FABP7: variants seen among roughly 807,000 people sequenced by gnomAD.
FABP7 encodes the protein fatty acid-binding protein, brain.
A neutral mutation model predicts 14.2 loss-of-function variants in FABP7; 13 were observed. The observed-to-expected ratio is 0.91, with a 90% CI of 0.59 to 1.45. The LOEUF (loss-of-function observed/expected upper bound fraction) is 1.45. Ranked by LOEUF, FABP7 falls within the 40% of genes most tolerant of loss-of-function variation. The pLI is 0.00. For synonymous variants in FABP7, 49 were observed against 51.4 expected (o/e 0.95, Z 0.20); for missense variants, 149 against 157.6 (o/e 0.95, Z 0.29).
rs557965338 is a variant in FABP7, at chr6:122,780,431, G to C, written c.214G>C (p.Asp72His). The change falls in exon 2 of 4, where the codon GAT (aspartate) becomes CAT (histidine). Residue 72 changes from aspartate (D) to histidine (H), a missense_variant. Coordinates refer to ENST00000368444, the MANE Select transcript of FABP7 (RefSeq NM_001446.5). The stretch of plus-strand genomic sequence containing the variant: ...TAGTTTCCAGCTGGGAGAAGAGTTT[G>C]ATGAAACCACTGCAGATGATAGAAA... ...EISFQLGEEF[D>H]ETTADDRNCK... 8.1e-6 allele frequency: 13 copies of C among 1,613,802 alleles called. No homozygotes were observed. The African/African-American group carries it at 1.3e-4, about 17-fold the overall frequency.
the FABP7 span, among the ~76,000 whole-genome samples, chr6:122,754,600 T>TC: frequency 2.0e-5 from 2 of 101,438 alleles, no homozygotes; most frequent in Non-Finnish European, 4.0e-5. Flanking sequence ...ATGCTCCCCA[T>TC]CCCCCCACCC....
chr6:122,754,265 T>C, the FABP7 span, among the ~76,000 whole-genome samples: 1 of 152,224 alleles, frequency 6.6e-6, no homozygotes, highest in African/African-American at 2.4e-5. Context: ...CACTTAAGGA[T>C]GGTCTTCAGT....
At chr6:122,770,442 G>A in the FABP7 span, among the ~76,000 whole-genome samples, 2 of 152,064 alleles carry the variant, frequency 1.3e-5, no homozygotes, top group Non-Finnish European at 2.9e-5. Context: ...CATCAGTAGG[G>A]TCAAGGAATT....
chr6:122,779,682 TC>T, upstream of FABP7: 2 of 977,112 alleles, frequency 2.0e-6, no homozygotes. Context: ...CCACCCTCTT[TC>T]CAAATAAGAA....
chr6:122,771,324 T>C, the FABP7 span, among the ~76,000 whole-genome samples: 1 of 152,226 alleles, frequency 6.6e-6, no homozygotes, highest in South Asian at 2.1e-4. Flanking sequence ...GTCCTGTTTC[T>C]GTTAAAAATA....
intron 3 of FABP7, 101 bp from the exon 4 acceptor site, chr6:122,783,616 A>G (rs1364729437): frequency 2.0e-5 from 29 of 1,469,704 alleles, no homozygotes; most frequent in Middle Eastern, 3.6e-4. Flanking sequence ...TGTAAATGTC[A>G]TTCTTTTGCA....
the FABP7 span, among the ~76,000 whole-genome samples, chr6:122,756,442 G>A: frequency 1.3e-5 from 2 of 152,062 alleles, no homozygotes; most frequent in African/African-American, 2.4e-5. Context: ...CAATTAAAAA[G>A]GACTTCCTGT....
upstream of FABP7, among the ~76,000 whole-genome samples, chr6:122,775,055 T>A (rs556468708): frequency 3.9e-3 from 597 of 151,718 alleles, 1 homozygote; most frequent in Non-Finnish European, 7.1e-3. Context: ...ATTAGAAAAA[T>A]AATATTGTTA....
intron 3 of FABP7, chr6:122,783,197 C>T (rs1582522016): frequency 1.0e-6 from 1 of 985,394 alleles, no homozygotes; most frequent in African/African-American, 1.7e-5. Flanking sequence ...TACCTACCTG[C>T]GTTCACATAG....
At chr6:122,781,277 T>A (rs1430022631) in intron 3 of FABP7, 83 bp downstream of exon 3, 5 of 1,565,666 alleles carry the variant, frequency 3.2e-6, no homozygotes, top group Non-Finnish European at 4.3e-6. Context: ...TCTTCCCTCC[T>A]CCTTCCATTC....
chr6:122,764,533 A>G, the FABP7 span, among the ~76,000 whole-genome samples: 5 of 152,218 alleles, frequency 3.3e-5, no homozygotes, highest in African/African-American at 1.2e-4. Flanking sequence ...AACTTAAAGT[A>G]TAATTAAAAA....
the FABP7 span, among the ~76,000 whole-genome samples, chr6:122,771,140 T>A: frequency 6.6e-6 from 1 of 152,176 alleles, no homozygotes. Flanking sequence ...AGCCAGCAGG[T>A]GGCAAAGCAG....
chr6:122,772,442 C>T, the FABP7 span, among the ~76,000 whole-genome samples: 1 of 152,166 alleles, frequency 6.6e-6, no homozygotes. Context: ...TTATCTCCCT[C>T]TGACCTAGTC....
the FABP7 span, among the ~76,000 whole-genome samples, chr6:122,767,631 C>A: frequency 7.9e-5 from 12 of 151,924 alleles, no homozygotes; most frequent in East Asian, 2.1e-3. Flanking sequence ...CACTTGGTGG[C>A]CAGGCATAGT....
chr6:122,778,370 A>G (rs1455900616), upstream of FABP7, among the ~76,000 whole-genome samples: 1 of 152,202 alleles, frequency 6.6e-6, no homozygotes, highest in African/African-American at 2.4e-5. Flanking sequence ...AAGGAAGACT[A>G]CAGTTTTTGT....
At chr6:122,767,302 A>G in the FABP7 span, among the ~76,000 whole-genome samples, 1 of 152,130 alleles carries the variant, frequency 6.6e-6, no homozygotes, top group Admixed American at 6.6e-5. Flanking sequence ...TCTGAAGAAG[A>G]GTAACAAATT....
At chr6:122,771,190 G>A in the FABP7 span, among the ~76,000 whole-genome samples, 5 of 152,288 alleles carry the variant, frequency 3.3e-5, no homozygotes, top group African/African-American at 1.2e-4. Flanking sequence ...AGAGATAACT[G>A]TTGCCTTAGC....
the FABP7 span, among the ~76,000 whole-genome samples, chr6:122,773,166 T>G: frequency 3.3e-5 from 5 of 152,194 alleles, no homozygotes; most frequent in Non-Finnish European, 7.4e-5. Context: ...GTAACTAGAA[T>G]TTCTATATAT....
the FABP7 span, among the ~76,000 whole-genome samples, chr6:122,767,755 GA>G: frequency 0.67 from 77,465 of 116,256 alleles, 24,344 homozygotes; most frequent in Non-Finnish European, 0.77. Flanking sequence ...CCACTAAAAG[GA>G]AAAAAAAAAA....
Sources: allele counts gnomAD v4.1 joint callset (sites outside exome capture counted in the v4.1 genomes callset), GRCh38; gene constraint gnomAD v4.1.1; transcripts MANE v1.5; gene names NCBI Gene and HGNC (gene_info 2026-07-23, HGNC 2026-07-21).